MAD1L1: variants seen among roughly 807,000 people sequenced by gnomAD.
MAD1L1 encodes mitotic arrest deficient 1 like 1, also known as mitotic spindle assembly checkpoint protein MAD1.
MAD1L1 carries 95 observed loss-of-function variants against 96.9 expected under a neutral mutation model. That is an observed-to-expected ratio of 0.98 (90% CI 0.83 to 1.16). The LOEUF (loss-of-function observed/expected upper bound fraction) is 1.16. Ranked by LOEUF, MAD1L1 falls within the 50% of genes most tolerant of loss-of-function variation. MAD1L1 has a pLI of 0.00. For synonymous variants in MAD1L1, 473 were observed against 396.6 expected, an observed-to-expected ratio of 1.19 and a Z score of -2.29; for missense variants, 1,007 against 954.4, an observed-to-expected ratio of 1.06 and a Z score of -0.73.
At chr7:1,961,541 A>T (rs1352310936) in intron 15 of MAD1L1, among the ~76,000 whole-genome samples, 1 of 152,382 alleles carries the variant, frequency 6.6e-6, no homozygotes, top group South Asian at 2.1e-4. Flanking sequence ...GAAATAAAGA[A>T]TTAAAATCTT....
At chr7:1,896,619 G>A (rs1394992308) in intron 18 of MAD1L1, among the ~76,000 whole-genome samples, 7 of 152,240 alleles carry the variant, frequency 4.6e-5, no homozygotes, top group Admixed American at 6.5e-5. Context: ...GAAACACGGC[G>A]AAGCAGGACA....
intron 18 of MAD1L1, among the ~76,000 whole-genome samples, chr7:1,858,347 G>C (rs562599639): frequency 1.3e-5 from 2 of 152,376 alleles, no homozygotes; most frequent in African/African-American, 4.8e-5. Flanking sequence ...CTCTGGGCAT[G>C]ACAGGGGATG....
At chr7:2,030,783 G>A (rs1033860412) in intron 12 of MAD1L1, among the ~76,000 whole-genome samples, 9 of 152,240 alleles carry the variant, frequency 5.9e-5, no homozygotes, top group Non-Finnish European at 1.2e-4. Flanking sequence ...CCGGGGCCCC[G>A]TGGGAGGCGC....
At chr7:2,161,479 A>C (rs1790120930) in intron 10 of MAD1L1, among the ~76,000 whole-genome samples, 1 of 151,892 alleles carries the variant, frequency 6.6e-6, no homozygotes, top group Admixed American at 6.5e-5. Flanking sequence ...CAGCCGCCTG[A>C]CTTGGCCTCC....
At chr7:2,047,673 C>A (rs150720587) in intron 12 of MAD1L1, among the ~76,000 whole-genome samples, 1 of 152,238 alleles carries the variant, frequency 6.6e-6, no homozygotes, top group African/African-American at 2.4e-5. Context: ...GATGCACACA[C>A]ATGTGCGCAC....
chr7:2,218,519 G>A (rs1793416348), intron 6 of MAD1L1, among the ~76,000 whole-genome samples: 1 of 152,216 alleles, frequency 6.6e-6, no homozygotes, highest in Admixed American at 6.5e-5. Flanking sequence ...CTCCAGACAA[G>A]GCTCTCACGT....
intron 17 of MAD1L1, among the ~76,000 whole-genome samples, chr7:1,918,102 C>A (rs980089323): frequency 3.9e-5 from 6 of 152,200 alleles, no homozygotes; most frequent in African/African-American, 1.2e-4. Context: ...CAGCGCCCGG[C>A]TCAGCCTGCC....
intron 11 of MAD1L1, among the ~76,000 whole-genome samples, chr7:2,098,474 C>G (rs3778964): frequency 1.3e-5 from 2 of 152,070 alleles, no homozygotes; most frequent in Admixed American, 1.3e-4. Context: ...TCCCTCTCCC[C>G]TGCTGCCTGG....
At chr7:1,876,996 CA>C (rs1157625598) in intron 18 of MAD1L1, among the ~76,000 whole-genome samples, 1 of 142,626 alleles carries the variant, frequency 7.0e-6, no homozygotes, top group Non-Finnish European at 1.5e-5. Flanking sequence ...TAGGTGAATA[CA>C]CTTCAACAAG....
At chr7:1,934,178 C>G (rs1310900522) in intron 17 of MAD1L1, among the ~76,000 whole-genome samples, 1 of 152,242 alleles carries the variant, frequency 6.6e-6, no homozygotes, top group Non-Finnish European at 1.5e-5. Flanking sequence ...GCGGCCCCCA[C>G]TATCCCAGGC....
intron 18 of MAD1L1, among the ~76,000 whole-genome samples, chr7:1,895,209 G>A (rs1786790310): frequency 6.6e-6 from 1 of 152,208 alleles, no homozygotes; most frequent in South Asian, 2.1e-4. Flanking sequence ...TCTTCCTGCG[G>A]GGACTTCACT....
chr7:2,060,034 CGCCGAT>C (rs1562647587), intron 12 of MAD1L1, among the ~76,000 whole-genome samples: 9 of 152,134 alleles, frequency 5.9e-5, no homozygotes, highest in African/African-American at 1.9e-4. Flanking sequence ...TCACAAGATA[CGCCGAT>C]GCCGAGATAC....
intron 12 of MAD1L1, among the ~76,000 whole-genome samples, chr7:2,063,615 T>G (rs1434834245): frequency 6.6e-6 from 1 of 152,222 alleles, no homozygotes; most frequent in East Asian, 1.9e-4. Context: ...GTCTCCACCG[T>G]GCTATTCCAG....
At chr7:1,882,921 CA>C (rs1785776667) in intron 18 of MAD1L1, among the ~76,000 whole-genome samples, 1 of 147,544 alleles carries the variant, frequency 6.8e-6, no homozygotes, top group Admixed American at 6.7e-5. Context: ...CAAACGGCCC[CA>C]GGAACCAGCT....
chr7:1,884,462 T>C (rs565172074), intron 18 of MAD1L1, among the ~76,000 whole-genome samples: 1 of 152,180 alleles, frequency 6.6e-6, no homozygotes, highest in Non-Finnish European at 1.5e-5. Context: ...AGGAGCAACG[T>C]TGGGTCAGGG....
chr7:2,009,048 CG>C (rs1437593589), intron 13 of MAD1L1, among the ~76,000 whole-genome samples: 3 of 152,200 alleles, frequency 2.0e-5, no homozygotes, highest in African/African-American at 7.2e-5. Context: ...ACCCTGGCAC[CG>C]AGTGACCAGG....
At chr7:2,123,865 A>G (rs2128562922) in intron 11 of MAD1L1, among the ~76,000 whole-genome samples, 1 of 152,354 alleles carries the variant, frequency 6.6e-6, no homozygotes, top group East Asian at 1.9e-4. Context: ...GCTGCCAATT[A>G]GCCAGCGCCC....
At position 2,150,914 on chromosome 7, in the gene MAD1L1, C is replaced by T. The variant is rs578090312; in HGVS notation, c.987-1676G>A. 8.5e-5 allele frequency among the ~76,000 whole-genome samples: 13 copies of T among 152,320 alleles called. No individual in the cohort carries two copies. In the South Asian group the frequency reaches 1.7e-3, roughly 19 times the overall value. ...TGGGTGCAGAAGGAGTAGCTGGCACCGGGGAGACCCCATCTGTCCTCACAC... is the reference window on the plus strand; with the variant it reads ...TGGGTGCAGAAGGAGTAGCTGGCACTGGGGAGACCCCATCTGTCCTCACAC... On this transcript the variant is annotated intron_variant, in intron 10 of 18. Transcript: ENST00000265854.
chr7:2,213,665 A>C (rs1338770085), intron 9 of MAD1L1, among the ~76,000 whole-genome samples: 2 of 151,786 alleles, frequency 1.3e-5, no homozygotes, highest in African/African-American at 4.8e-5. Flanking sequence ...GGGGCTCCTC[A>C]GGGAACCAAG....
Sources: gnomAD v4.1 joint callset for allele counts (sites outside exome capture counted in the v4.1 genomes callset) on GRCh38, gnomAD v4.1.1 for gene constraint, MANE v1.5 for transcripts, NCBI Gene and HGNC (gene_info 2026-07-23, HGNC 2026-07-21) for gene names.